Variants in KMT2C observed in about 807,000 individuals in gnomAD.
KMT2C encodes histone-lysine N-methyltransferase 2C.
KMT2C carries 88 observed loss-of-function variants against 507.9 expected under a neutral mutation model. The ratio of observed to expected loss-of-function variants is 0.17; its 90% CI spans 0.15 to 0.21. KMT2C has a LOEUF of 0.21. KMT2C is among the 10% of genes least tolerant of loss of function. KMT2C has a pLI of 1.00. For synonymous variants in KMT2C, 2,049 were observed against 2,080.8 expected (o/e 0.98, Z 0.42); for missense variants, 4,954 against 5,957.8 (o/e 0.83, Z 5.55).
chr7:152,288,555 T>A (rs1331840829), intron 6 of KMT2C, among the ~76,000 whole-genome samples: 1 of 148,806 alleles, frequency 6.7e-6, no homozygotes, highest in East Asian at 2.0e-4. Context: ...TAAATAAATA[T>A]TTTTTTTTTA....
intron 46 of KMT2C, 76 bp from the exon 47 acceptor site, chr7:152,154,521 T>A (rs1341695999): frequency 4.0e-6 from 5 of 1,240,650 alleles, no homozygotes; most frequent in Middle Eastern, 2.4e-4. Context: ...CCTGCTGACA[T>A]CTGTGAATAC....
At position 152,154,324 on chromosome 7, in the gene KMT2C, G is replaced by A. The variant is rs2091886365; in HGVS notation, c.12082C>T (p.Pro4028Ser). 6.2e-7 allele frequency: 1 copy of A among 1,614,146 alleles called. No homozygotes were observed. The highest frequency in any genetic ancestry group is 8.5e-7 in the Non-Finnish European group (1 of 1,180,016). Reference sequence around the variant, plus strand: ...ATGGGGGACGGCACCGGTTCTGGAGGCTCCTCCTTGACCAATGACAGATCT... The same window carrying A: ...ATGGGGGACGGCACCGGTTCTGGAGACTCCTCCTTGACCAATGACAGATCT... ...YPDLSLVKEE[P>S]PEPVPSPIIP... The change falls in exon 47 of 59, where the codon CCT becomes TCT. Residue 4028 changes from proline to serine, a missense_variant. This residue lies in a region of KMT2C where 417 missense variants were observed against 461.1 expected (regional missense o/e 0.90). Transcript: ENST00000262189.
rs1221094395 is a variant in KMT2C at position 152,176,186 on chromosome 7, C to G, written c.9262+5G>C. 1.3e-6 allele frequency: 2 copies of G among 1,583,894 alleles called. No homozygotes were observed. The highest frequency in any genetic ancestry group is 1.4e-5 in the African/African-American group (1 of 73,532). On this transcript the variant is annotated splice_donor_5th_base_variant and intron_variant, in intron 38 of 58. Transcript: ENST00000262189. ...ATATACGTTGAGACTCAAGAAAACT[C>G]CTACCAATATTAGGGAAGAACGGTT...
intron 1 of KMT2C, among the ~76,000 whole-genome samples, chr7:152,395,355 TC>T (rs879263079): frequency 5.6e-4 from 83 of 148,580 alleles, no homozygotes; most frequent in African/African-American, 8.2e-4. Context: ...GGCTTTTCTT[TC>T]CCCCCCCCAG....
chr7:152,428,982 C>G (rs116206866), intron 1 of KMT2C, among the ~76,000 whole-genome samples: 1,798 of 152,262 alleles, frequency 0.012, 41 homozygotes, highest in African/African-American at 0.042. Context: ...CTACACACAG[C>G]CTCTGTTCTA....
chr7:152,189,871 T>C (rs574977855), intron 31 of KMT2C, among the ~76,000 whole-genome samples: 29 of 152,272 alleles, frequency 1.9e-4, no homozygotes, highest in Non-Finnish European at 3.8e-4. Context: ...GCAGGTTCCA[T>C]TAAGGCAGGG....
chr7:152,291,635 TA>T (rs1381681881), intron 6 of KMT2C, among the ~76,000 whole-genome samples: 1 of 152,268 alleles, frequency 6.6e-6, no homozygotes, highest in Admixed American at 6.5e-5. Context: ...AGACTATGCA[TA>T]AACACTAATT....
chr7:152,271,934 T>C (rs1008843984), intron 7 of KMT2C, among the ~76,000 whole-genome samples: 1 of 152,136 alleles, frequency 6.6e-6, no homozygotes, highest in African/African-American at 2.4e-5. Context: ...TTTCCTTCTT[T>C]GTATTGACTG....
chr7:152,257,025 C>G (rs1011986984), intron 9 of KMT2C, among the ~76,000 whole-genome samples: 2 of 152,072 alleles, frequency 1.3e-5, no homozygotes, highest in African/African-American at 2.4e-5. Context: ...CAGATTTGTC[C>G]CTGAGAATTC....
At chr7:152,383,306 T>C (rs1418205315) in intron 1 of KMT2C, among the ~76,000 whole-genome samples, 2 of 152,220 alleles carry the variant, frequency 1.3e-5, no homozygotes, top group African/African-American at 4.8e-5. Flanking sequence ...TATAGTTGAA[T>C]GGCAGTCTTA....
At chr7:152,141,894 C>T (rs1284170523) in intron 55 of KMT2C, among the ~76,000 whole-genome samples, 1 of 152,010 alleles carries the variant, frequency 6.6e-6, no homozygotes, top group East Asian at 1.9e-4. Context: ...TTGTGGCATG[C>T]GCCTGTAGCC....
chr7:152,245,948 GCCAATCC>G (rs2095465272), intron 14 of KMT2C, among the ~76,000 whole-genome samples: 4 of 152,084 alleles, frequency 2.6e-5, no homozygotes, highest in Admixed American at 2.6e-4. Context: ...TTATTTTACA[GCCAATCC>G]CCAACGTGAA....
chr7:152,156,091 T>C (rs534193112), intron 45 of KMT2C, 34 bp from the exon 46 acceptor site: 1 of 1,597,792 alleles, frequency 6.3e-7, no homozygotes, highest in African/African-American at 1.4e-5. Flanking sequence ...CATAAATACA[T>C]TCAGTCAATA....
Position 152,252,049 on chromosome 7 carries a change from A to C in KMT2C, c.1511T>G (p.Leu504Arg). ...ATACTCTTCTTTGAGCTGAGTATCC[A>C]GTTCATGATCTGTTGGTTTGTCACA... The part of the protein sequence containing the change: ...LECDKPTDHE[L>R]DTQLKEEYIC... Residue 504 changes from leucine (L) to arginine (R), a missense_variant, in exon 11 of 59, where the codon CTG becomes CGG. Leu to Arg is a moderately radical substitution (Grantham distance 102, BLOSUM62 -2). Transcript: ENST00000262189. 13 of 1,612,122 alleles carry C rather than the reference A, an allele frequency of 8.1e-6. No individual in the cohort carries two copies. The highest frequency in any genetic ancestry group is 1.0e-5 in the Non-Finnish European group (12 of 1,178,916).
chr7:152,342,780 C>T, intron 2 of KMT2C, among the ~76,000 whole-genome samples: 1 of 152,202 alleles, frequency 6.6e-6, no homozygotes, highest in East Asian at 1.9e-4. Context: ...AAAATATCTT[C>T]TTGCTTTCAA....
chr7:152,151,122 T>C (rs1439248490), intron 50 of KMT2C, 115 bp from the exon 51 acceptor site: 1 of 678,486 alleles, frequency 1.5e-6, no homozygotes, highest in African/African-American at 1.8e-5. Flanking sequence ...TTTATCTTAA[T>C]AGTAGAAAGG....
At chr7:152,302,586 T>G (rs1328492575) in intron 6 of KMT2C, among the ~76,000 whole-genome samples, 1 of 152,074 alleles carries the variant, frequency 6.6e-6, no homozygotes, top group Non-Finnish European at 1.5e-5. Context: ...TACTTCTTTT[T>G]GGGGGGCAAT....
intron 1 of KMT2C, among the ~76,000 whole-genome samples, chr7:152,433,676 G>C (rs2097886500): frequency 6.6e-6 from 1 of 152,196 alleles, no homozygotes; most frequent in Non-Finnish European, 1.5e-5. Context: ...TTCATAGTTA[G>C]ATTATACTGT....
intron 1 of KMT2C, among the ~76,000 whole-genome samples, chr7:152,398,419 A>G (rs1365862916): frequency 6.6e-6 from 1 of 152,256 alleles, no homozygotes; most frequent in Non-Finnish European, 1.5e-5. Flanking sequence ...TGATCCCATT[A>G]TCATAAAAAT....
Sources: allele counts gnomAD v4.1 joint callset (sites outside exome capture counted in the v4.1 genomes callset), GRCh38; gene constraint gnomAD v4.1.1; regional missense constraint gnomAD v4.1.1; transcripts MANE v1.5; gene names NCBI Gene and HGNC (gene_info 2026-07-23, HGNC 2026-07-21).